Variants in ST18 observed in about 807,000 individuals in gnomAD.
ST18 encodes the protein suppression of tumorigenicity 18 protein.
In ST18, 50 loss-of-function variants were observed where a neutral mutation model predicts 110.0. That is an observed-to-expected ratio of 0.45 (90% CI 0.36 to 0.58). The LOEUF (loss-of-function observed/expected upper bound fraction) is 0.58, where lower values mean the gene tolerates loss of function less well. ST18 is among the 20% of genes least tolerant of loss of function. The probability of loss-of-function intolerance (pLI) is 0.00; values close to 1 mark genes in which losing one functional copy is unlikely to be tolerated. For missense variants in ST18, 1,306 were observed against 1,280.1 expected (o/e 1.02, Z -0.31); for synonymous variants, 461 against 452.4 (o/e 1.02, Z -0.24).
chr8:52,189,081 C>T lies in ST18; in HGVS notation c.87-8769G>A, dbSNP rs543531353. Among the ~76,000 whole-genome samples the T allele has an allele frequency of 1.4e-4, 21 of 152,252 alleles. No individual in the cohort carries two copies. The South Asian group carries it at 4.2e-3, about 30-fold the overall frequency. On this transcript the variant is annotated intron_variant, in intron 8 of 25. Transcript: ENST00000689386. ...TGAGCCATAAAATTAGTCCCCTTCT[C>T]CCTGCATCACACTGGAGATGATGAA... is the stretch of plus-strand genomic sequence containing the variant.
chr8:52,253,318 A>C (rs2094406577), intron 2 of ST18, among the ~76,000 whole-genome samples: 1 of 152,130 alleles, frequency 6.6e-6, no homozygotes, highest in Admixed American at 6.6e-5. Context: ...TTTCTGTATA[A>C]CTAAGTAATA....
chr8:52,291,771 T>G (rs1564427688), intron 2 of ST18, among the ~76,000 whole-genome samples: 1 of 152,120 alleles, frequency 6.6e-6, no homozygotes, highest in African/African-American at 2.4e-5. Flanking sequence ...TTTTTGTTTT[T>G]TTTGTTTGTT....
chr8:52,144,030 A>T (rs1194782974), intron 16 of ST18, among the ~76,000 whole-genome samples: 1 of 152,086 alleles, frequency 6.6e-6, no homozygotes, highest in Admixed American at 6.6e-5. Context: ...TTCTTGTTGG[A>T]TATTCCTAAT....
Position 52,165,168 on chromosome 8 carries a change from C to A in ST18, c.1262G>T (p.Gly421Val). The A allele has an allele frequency of 6.2e-7, 1 of 1,614,150 alleles. No homozygotes were observed. The highest frequency in any genetic ancestry group is 8.5e-7 in the Non-Finnish European group (1 of 1,180,026). ...KCPTPGCTGR[G>V]HVNSNRNTHR... ...GGTGTTGCGGTTGCTGTTCACATGA[C>A]CCCTTCCTGTGCATCCCGGCGTGGG... The change falls in exon 12 of 26, where the codon GGT becomes GTT. Residue 421 changes from glycine (G) to valine (V), a missense_variant. Transcript: ENST00000689386.
At chr8:52,125,678 T>G (rs531675460) in intron 23 of ST18, among the ~76,000 whole-genome samples, 1 of 151,538 alleles carries the variant, frequency 6.6e-6, no homozygotes, top group East Asian at 1.9e-4. Flanking sequence ...TTTTTAGAGA[T>G]GGGGTCTGGC....
rs1463164542 is a variant in ST18 at position 52,165,321 on chromosome 8, C to T, written c.1205-96G>A. ...TCTCAACTTTGCATTTAAATGACTT[C>T]AGTTCCATCATCCACCATGCTCTCT... On this transcript the variant is annotated intron_variant, in intron 11 of 25. Coordinates refer to ENST00000689386, the MANE Select transcript of ST18 (RefSeq NM_001352837.2). The T allele has an allele frequency of 6.9e-6, 8 of 1,159,950 alleles. No individual in the cohort carries two copies. The Admixed American group carries it at 1.4e-4, about 20-fold the overall frequency. 71.9% of individuals were successfully genotyped at this position (1,159,950 alleles called of 1,614,324 possible). A position where few individuals can be genotyped will look rare whatever the true frequency, so the allele number is the denominator to read the frequency against.
chr8:52,201,741 C>A (rs563384590), intron 8 of ST18, among the ~76,000 whole-genome samples: 1 of 152,230 alleles, frequency 6.6e-6, no homozygotes, highest in African/African-American at 2.4e-5. Flanking sequence ...TGCTTCCTGA[C>A]CCTGCAGTCT....
chr8:52,150,903 T>G (rs2058655542), intron 15 of ST18: 2 of 152,280 alleles, frequency 1.3e-5, no homozygotes, highest in African/African-American at 4.8e-5. Flanking sequence ...TTCTACAAGA[T>G]TCGCACACTG....
At chr8:52,208,557 T>C (rs1047167548) in intron 8 of ST18, among the ~76,000 whole-genome samples, 1 of 152,262 alleles carries the variant, frequency 6.6e-6, no homozygotes, top group African/African-American at 2.4e-5. Flanking sequence ...CTGGGCGCGG[T>C]GGCTCACGCC....
chr8:52,266,504 A>AAG (rs2094875002), intron 2 of ST18, among the ~76,000 whole-genome samples: 3 of 151,778 alleles, frequency 2.0e-5, no homozygotes, highest in Non-Finnish European at 4.4e-5. Flanking sequence ...GATGGCAGGC[A>AAG]GATCTCACAG....
chr8:52,129,518 A>G (rs1586493851), intron 22 of ST18, among the ~76,000 whole-genome samples: 1 of 152,016 alleles, frequency 6.6e-6, no homozygotes, highest in East Asian at 1.9e-4. Flanking sequence ...TCCACCTTAA[A>G]GAGAATACCC....
At chr8:52,332,605 C>T (rs1264862721) in intron 2 of ST18, among the ~76,000 whole-genome samples, 17 of 142,944 alleles carry the variant, frequency 1.2e-4, no homozygotes, top group Non-Finnish European at 4.5e-5. Flanking sequence ...GTAATCCCAG[C>T]ACTTTGGGAG....
At chr8:52,153,517 T>A (rs1051795172) in intron 15 of ST18, among the ~76,000 whole-genome samples, 2 of 152,240 alleles carry the variant, frequency 1.3e-5, no homozygotes, top group African/African-American at 4.8e-5. Flanking sequence ...AATGAAAATA[T>A]CTTACTCTTA....
chr8:52,385,369 G>T (rs1032550066), intron 2 of ST18, among the ~76,000 whole-genome samples: 4 of 152,162 alleles, frequency 2.6e-5, no homozygotes, highest in African/African-American at 9.7e-5. Context: ...GGAGGCCAAG[G>T]CAGGCGGATC....
chr8:52,121,824 C>T (rs80148136), intron 23 of ST18, among the ~76,000 whole-genome samples: 7 of 152,088 alleles, frequency 4.6e-5, no homozygotes, highest in East Asian at 1.9e-4. Flanking sequence ...TCAAGGAAAC[C>T]GTATAAACTA....
intron 22 of ST18, among the ~76,000 whole-genome samples, chr8:52,131,248 A>G (rs2049455774): frequency 6.6e-6 from 1 of 152,232 alleles, no homozygotes; most frequent in African/African-American, 2.4e-5. Flanking sequence ...CATCATGTAC[A>G]GTGGCCCAAA....
chr8:52,170,388 C>T lies in ST18; in HGVS notation c.1069+1404G>A, dbSNP rs1474009098. ...GGAGAATGGAACCTGGGAGGCAGAG[C>T]TTGCAGTGAGCCGACACGGCGCCAC... On this transcript the variant is annotated intron_variant, in intron 10 of 25. Coordinates refer to ENST00000689386, the MANE Select transcript of ST18 (RefSeq NM_001352837.2). Among the ~76,000 whole-genome samples the T allele has an allele frequency of 2.0e-5, 3 of 151,746 alleles. No individual in the cohort carries two copies. In the East Asian group the frequency reaches 5.8e-4, roughly 29 times the overall value.
At chr8:52,408,866 C>T (rs959068590) in intron 2 of ST18, 2 of 152,184 alleles carry the variant, frequency 1.3e-5, no homozygotes, top group African/African-American at 4.8e-5. Flanking sequence ...TTCAACGTGT[C>T]TTCATATTTG....
chr8:52,405,475 A>G (rs529271652), intron 2 of ST18: 4 of 152,368 alleles, frequency 2.6e-5, no homozygotes, highest in African/African-American at 9.6e-5. Context: ...TATTTTGGTC[A>G]GAGTTCTCTT....
Sources: gnomAD v4.1 joint callset for allele counts (sites outside exome capture counted in the v4.1 genomes callset) on GRCh38, gnomAD v4.1.1 for gene constraint, MANE v1.5 for transcripts, NCBI Gene and HGNC (gene_info 2026-07-23, HGNC 2026-07-21) for gene names.